Variants in TMX2 observed in about 807,000 individuals in gnomAD.
The protein encoded by TMX2 is thioredoxin related transmembrane protein 2.
A neutral mutation model predicts 33.4 loss-of-function variants in TMX2; 20 were observed. The observed-to-expected ratio is 0.60, with a 90% CI of 0.42 to 0.87. The LOEUF is 0.87. TMX2 is among the 40% of genes least tolerant of loss of function. TMX2 has a pLI of 0.00. For missense variants in TMX2, 340 were observed against 370.7 expected, an observed-to-expected ratio of 0.92 and a Z score of 0.68; for synonymous variants, 166 against 140.7, an observed-to-expected ratio of 1.18 and a Z score of -1.27.
chr11:57,713,424 T>C (rs757826521), intron 1 of TMX2, among the ~76,000 whole-genome samples: 29 of 152,162 alleles, frequency 1.9e-4, no homozygotes, highest in Non-Finnish European at 4.0e-4. Context: ...TGTAAAGGAA[T>C]TGTAAAAAAT....
intron 1 of TMX2, among the ~76,000 whole-genome samples, chr11:57,717,133 C>T (rs1315450293): frequency 6.6e-6 from 1 of 151,724 alleles, no homozygotes; most frequent in Non-Finnish European, 1.5e-5. Flanking sequence ...CTCCTCACTT[C>T]CCAGATGGGA....
intron 1 of TMX2, chr11:57,718,209 C>A (rs1947309324): frequency 1.0e-5 from 14 of 1,390,694 alleles, no homozygotes; most frequent in Middle Eastern, 3.5e-4. Context: ...AAGCTGGGAA[C>A]CTTTTGTGTT....
intron 1 of TMX2, among the ~76,000 whole-genome samples, chr11:57,720,787 C>A (rs1947577301): frequency 6.6e-6 from 1 of 152,214 alleles, no homozygotes; most frequent in African/African-American, 2.4e-5. Context: ...AGGAATCGAA[C>A]CCACGCTGCA....
At chr11:57,733,605 A>C (rs1948543161) in intron 1 of TMX2, among the ~76,000 whole-genome samples, 1 of 152,090 alleles carries the variant, frequency 6.6e-6, no homozygotes, top group Non-Finnish European at 1.5e-5. Flanking sequence ...ATTTGCTTAA[A>C]GTTTCTCTAA....
At chr11:57,724,430 C>T (rs1324897511) in intron 1 of TMX2, among the ~76,000 whole-genome samples, 1 of 152,054 alleles carries the variant, frequency 6.6e-6, no homozygotes, top group East Asian at 1.9e-4. Context: ...ATGTCTATTA[C>T]CCAGGTCATG....
rs948939908 is a variant in TMX2 at position 57,738,426 on chromosome 11, T to C, written c.437T>C (p.Ile146Thr). The change falls in exon 4 of 8, where the codon ATT becomes ACT. Residue 146 changes from isoleucine (I) to threonine (T), a missense_variant. By Grantham distance (89) the Ile-to-Thr change is moderately conservative. Around this residue, in one of 3 missense-constraint regions of TMX2, gnomAD observed 209 missense variants for 241.6 expected, o/e 0.87. Transcript: ENST00000278422. ...EYIKYFNDKT[I>T]DEELERDKRV... ...ATCAAGTACTTCAATGATAAAACCA[T>C]TGATGTGAGTGCTCTTTCCCCTTTC... 1.2e-6 allele frequency: 2 copies of C among 1,608,452 alleles called. No individual in the cohort carries two copies. The highest frequency in any genetic ancestry group is 1.7e-6 in the Non-Finnish European group (2 of 1,175,150).
chr11:57,716,698 A>T (rs1316768226), intron 1 of TMX2, among the ~76,000 whole-genome samples: 12 of 88,066 alleles, frequency 1.4e-4, no homozygotes, highest in South Asian at 8.3e-4. Flanking sequence ...ACGGGGCGGC[A>T]GGCCGGGTGG....
Position 57,740,294 on chromosome 11 carries a change from C to T in TMX2, c.*49C>T. 1 of 1,530,846 alleles carries T rather than the reference C, an allele frequency of 6.5e-7. No homozygotes were observed. The highest frequency in any genetic ancestry group is 2.2e-5 in the Admixed American group (1 of 45,992). 94.8% of individuals were successfully genotyped at this position (1,530,846 alleles called of 1,614,324 possible). ...CTCTCCTGTCAATTCCAGGCTCTTT[C>T]CATAACCACAAGCCTGAGGCTGCAG... On this transcript the variant is annotated 3_prime_UTR_variant, in exon 8 of 8. Transcript: ENST00000278422.
chr11:57,738,609 A>G, intron 4 of TMX2, 55 bp from the exon 5 acceptor site: 2 of 1,498,354 alleles, frequency 1.3e-6, no homozygotes, highest in African/African-American at 2.8e-5. Flanking sequence ...TAAAGTCTGA[A>G]CCTTCCCAGG....
intron 1 of TMX2, among the ~76,000 whole-genome samples, chr11:57,717,554 C>T (rs1453663139): frequency 6.6e-6 from 1 of 151,954 alleles, no homozygotes; most frequent in Non-Finnish European, 1.5e-5. Context: ...AGTACGAAAA[C>T]CAGTCAGGCG....
At chr11:57,715,860 G>A (rs1481528874) in intron 1 of TMX2, among the ~76,000 whole-genome samples, 2 of 151,628 alleles carry the variant, frequency 1.3e-5, no homozygotes, top group South Asian at 4.2e-4. Flanking sequence ...TTAACCCTGA[G>A]TGGACACAGC....
chr11:57,732,926 C>T (rs939166678), intron 1 of TMX2, among the ~76,000 whole-genome samples: 1 of 152,156 alleles, frequency 6.6e-6, no homozygotes, highest in African/African-American at 2.4e-5. Flanking sequence ...CTTACACAAA[C>T]TTAGATGGCC....
chr11:57,740,464 A>G lies in TMX2; in HGVS notation c.*219A>G. Reference sequence around the variant, plus strand: ...CAACTGTTTCACTGGAGCAAGAAAGAGATCTCATAGGACGGAGGGGGAAAT... The same window carrying G: ...CAACTGTTTCACTGGAGCAAGAAAGGGATCTCATAGGACGGAGGGGGAAAT... On this transcript the variant is annotated 3_prime_UTR_variant, in exon 8 of 8. Transcript: ENST00000278422. 1 of 512,964 alleles carries G rather than the reference A, an allele frequency of 1.9e-6. No individual in the cohort carries two copies. The highest frequency in any genetic ancestry group is 3.4e-6 in the Non-Finnish European group (1 of 297,316). 31.8% of individuals were successfully genotyped at this position (512,964 alleles called of 1,614,324 possible). A position where few individuals can be genotyped will look rare whatever the true frequency, so the allele number is the denominator to read the frequency against.
intron 1 of TMX2, among the ~76,000 whole-genome samples, chr11:57,716,624 C>T (rs1227791110): frequency 7.2e-6 from 1 of 139,482 alleles, no homozygotes; most frequent in East Asian, 2.3e-4. Context: ...GCTGACCCCC[C>T]CACCTCCCTC....
intron 1 of TMX2, among the ~76,000 whole-genome samples, chr11:57,729,267 G>A (rs1427740237): frequency 6.6e-6 from 1 of 151,934 alleles, no homozygotes; most frequent in Non-Finnish European, 1.5e-5. Context: ...GTGCACATTT[G>A]CATTAAGAAA....
At chr11:57,729,085 C>T (rs964787719) in intron 1 of TMX2, among the ~76,000 whole-genome samples, 3 of 151,762 alleles carry the variant, frequency 2.0e-5, no homozygotes, top group African/African-American at 7.3e-5. Context: ...CAATCCACCA[C>T]ACAAGAACCC....
rs375872090 is a variant in TMX2 at position 57,712,631 on chromosome 11, G to A, written c.13G>A (p.Ala5Thr). Residue 5 changes from alanine (A) to threonine (T), a missense_variant, in exon 1 of 8, where the codon GCA (alanine) becomes ACA (threonine). This residue lies in a region of TMX2 where 106 missense variants were observed against 82.7 expected (regional missense o/e 1.28). Transcript: ENST00000278422. MAVLAPLIALVYSVP... is the reference protein window; with the variant it reads MAVLTPLIALVYSVP... The stretch of plus-strand genomic sequence containing the variant: ...TACGGCCGAAAAGATGGCGGTCTTG[G>A]CACCTCTAATTGCTCTCGTGTATTC... 137 of 1,613,238 alleles carry A rather than the reference G, an allele frequency of 8.5e-5. No individual in the cohort carries two copies. Among genetic ancestry groups the A allele is most frequent in the Non-Finnish European group, 1.1e-4 (127 of 1,179,574 alleles).
chr11:57,718,927 T>C (rs1354676322), intron 1 of TMX2, among the ~76,000 whole-genome samples: 4 of 151,536 alleles, frequency 2.6e-5, no homozygotes, highest in Non-Finnish European at 5.9e-5. Context: ...AGTGCTGGGA[T>C]TACAGGTGTG....
intron 1 of TMX2, among the ~76,000 whole-genome samples, chr11:57,734,892 T>C (rs1322041822): frequency 6.6e-6 from 1 of 151,764 alleles, no homozygotes; most frequent in Non-Finnish European, 1.5e-5. Context: ...TCCCAGCACT[T>C]TGGGAGGCCG....
Sources: gnomAD v4.1 joint callset for allele counts (sites outside exome capture counted in the v4.1 genomes callset) on GRCh38, gnomAD v4.1.1 for gene constraint, gnomAD v4.1.1 regional missense constraint, MANE v1.5 for transcripts, NCBI Gene and HGNC (gene_info 2026-07-23, HGNC 2026-07-21) for gene names.